CUX1: variants seen among roughly 807,000 people sequenced by gnomAD.
CUX1 encodes the protein protein CASP.
In CUX1, 31 loss-of-function variants were observed where a neutral mutation model predicts 158.8. That is an observed-to-expected ratio of 0.20 (90% confidence interval 0.15 to 0.26). The LOEUF (loss-of-function observed/expected upper bound fraction) is 0.26, where lower values mean the gene tolerates loss of function less well. Ranked by LOEUF, CUX1 falls within the 10% of genes least tolerant of loss-of-function variation. CUX1 has a pLI of 1.00. For missense variants in CUX1, 1,589 were observed against 2,014.6 expected (o/e 0.79, Z 4.04); for synonymous variants, 879 against 862.1 (o/e 1.02, Z -0.34).
At chr7:102,132,302 TGTGTGTGC>T (rs1482107529) in intron 8 of CUX1, among the ~76,000 whole-genome samples, 1 of 11,268 alleles carries the variant, frequency 8.9e-5, no homozygotes, top group African/African-American at 4.0e-4. Context: ...AGTGTGTGTG[TGTGTGTGC>T]GCGCGCGCGC....
At chr7:102,277,504 G>C (rs973795398) in intron 17 of CUX1, among the ~76,000 whole-genome samples, 1 of 152,080 alleles carries the variant, frequency 6.6e-6, no homozygotes. Flanking sequence ...GCTGAGGCAG[G>C]AGAATCGCTT....
exon 21 of CUX1, chr7:102,281,870 C>G: frequency 6.2e-7 from 1 of 1,613,522 alleles, no homozygotes; most frequent in Non-Finnish European, 8.5e-7. Flanking sequence ...CAAGATGGCG[C>G]GCACCATCGG....
At chr7:101,910,943 A>G (rs1012313304) in intron 1 of CUX1, among the ~76,000 whole-genome samples, 4 of 152,246 alleles carry the variant, frequency 2.6e-5, no homozygotes, top group African/African-American at 9.6e-5. Context: ...TTAAAATGTT[A>G]GGAGCTTTGC....
At chr7:101,850,426 T>TTC (rs1796151065) in intron 1 of CUX1, among the ~76,000 whole-genome samples, 3 of 146,778 alleles carry the variant, frequency 2.0e-5, no homozygotes, top group African/African-American at 7.5e-5. Flanking sequence ...TCTTTCTTTT[T>TTC]TTTTTTTTTT....
chr7:101,853,584 G>GGTGTGTGTGTGTGTGTGT lies in CUX1; in HGVS notation c.30+35936_30+35953dup, dbSNP rs59324904. Among the ~76,000 whole-genome samples the GGTGTGTGTGTGTGTGTGT allele has an allele frequency of 5.9e-3, 836 of 140,834 alleles. 16 individuals are homozygous for GGTGTGTGTGTGTGTGTGT. Among genetic ancestry groups the GGTGTGTGTGTGTGTGTGT allele is most frequent in the African/African-American group, 0.021 (762 of 36,684 alleles). The allele number at this position is 140,834 out of a possible 152,430, so 92.4% of individuals were successfully genotyped here. ...TATATCAGAGCATGGCAATAGAAAG[G>GGTGTGTGTGTGTGTGTGT]GTGTGTGTGTGTGTGTGTGTGTGTG... On this transcript the variant is annotated intron_variant, in intron 1 of 23. Coordinates refer to ENST00000292535, the MANE Select transcript of CUX1 (RefSeq NM_181552.4).
At chr7:102,141,791 T>TTC (rs1834496305) in intron 8 of CUX1, among the ~76,000 whole-genome samples, 1 of 137,590 alleles carries the variant, frequency 7.3e-6, no homozygotes, top group Non-Finnish European at 1.5e-5. Flanking sequence ...CTCAGCTAAT[T>TTC]TTTTTTTTTT....
rs1801777566 is a variant in CUX1, at chr7:102,253,780, G to A, written c.*4738G>A. 1.0e-6 allele frequency: 1 copy of A among 985,560 alleles called. No individual in the cohort carries two copies. The highest frequency in any genetic ancestry group is 1.2e-6 in the Non-Finnish European group (1 of 830,002). The allele number at this position is 985,560 out of a possible 1,614,324, so 61.1% of individuals were successfully genotyped here. ...GGCCGACAAGCCAGCTGTACAGGGC[G>A]AGATGTAGCAACACGGGGCATGAGC... On this transcript the variant is annotated 3_prime_UTR_variant, in exon 24 of 24. Transcript: ENST00000292535.
At chr7:101,873,428 T>C (rs1166550150) in intron 1 of CUX1, among the ~76,000 whole-genome samples, 4 of 148,680 alleles carry the variant, frequency 2.7e-5, no homozygotes, top group Non-Finnish European at 5.9e-5. Flanking sequence ...CCTAAAGCGA[T>C]CCTCCCACCT....
intron 1 of CUX1, among the ~76,000 whole-genome samples, chr7:101,821,547 C>T (rs966586258): frequency 6.6e-6 from 1 of 151,126 alleles, no homozygotes; most frequent in Non-Finnish European, 1.5e-5. Context: ...ACCGTGTTAG[C>T]CCGGATGGTC....
chr7:101,975,202 G>A (rs888330186), intron 2 of CUX1, among the ~76,000 whole-genome samples: 1 of 151,906 alleles, frequency 6.6e-6, no homozygotes, highest in East Asian at 1.9e-4. Context: ...AGTGAGTCGC[G>A]ATTGTGCCAC....
chr7:101,837,763 C>T (rs911007135), intron 1 of CUX1, among the ~76,000 whole-genome samples: 3 of 126,612 alleles, frequency 2.4e-5, no homozygotes, highest in African/African-American at 6.1e-5. Flanking sequence ...GCCGGGAGGT[C>T]GAAGGTGCAG....
At chr7:102,169,222 C>T (rs1487802369) in intron 9 of CUX1, among the ~76,000 whole-genome samples, 7 of 152,082 alleles carry the variant, frequency 4.6e-5, no homozygotes, top group Admixed American at 1.3e-4. Context: ...CGTGAGCCAC[C>T]GTACCCAGCC....
chr7:102,190,255 C>A (rs1185158607), intron 12 of CUX1, among the ~76,000 whole-genome samples: 1 of 152,226 alleles, frequency 6.6e-6, no homozygotes, highest in Non-Finnish European at 1.5e-5. Context: ...TATGGCCTCA[C>A]GCTGCCCCGG....
rs552485141 is a variant in CUX1, at chr7:101,874,428, G to A, written c.31-41687G>A. ...GATTTGGAACTCCCTGGGAGCCCTC[G>A]AACTTTTCTCTAAACTCCACCGGTA... On this transcript the variant is annotated intron_variant, in intron 1 of 23. Coordinates refer to ENST00000292535, the MANE Select transcript of CUX1 (RefSeq NM_181552.4). 7.0e-4 allele frequency among the ~76,000 whole-genome samples: 106 copies of A among 152,324 alleles called. 1 individual carries two copies. The highest frequency in any genetic ancestry group is 3.4e-3 in the Middle Eastern group (1 of 294).
intron 1 of CUX1, among the ~76,000 whole-genome samples, chr7:101,870,932 G>A (rs928252914): frequency 6.6e-6 from 1 of 152,178 alleles, no homozygotes. Context: ...TGTCAGTTTC[G>A]TAACTATCTC....
chr7:101,920,940 T>TA (rs1804846503), intron 2 of CUX1, among the ~76,000 whole-genome samples: 1 of 152,080 alleles, frequency 6.6e-6, no homozygotes, highest in African/African-American at 2.4e-5. Flanking sequence ...ATCCTCTCCT[T>TA]ATAGCCTCCA....
intron 2 of CUX1, among the ~76,000 whole-genome samples, chr7:102,025,285 C>T (rs1383615490): frequency 6.6e-6 from 1 of 152,170 alleles, no homozygotes; most frequent in African/African-American, 2.4e-5. Flanking sequence ...GTGGTTATCT[C>T]TGGCGGACTA....
chr7:102,030,792 T>C (rs1307220675), intron 3 of CUX1, among the ~76,000 whole-genome samples: 1 of 144,974 alleles, frequency 6.9e-6, no homozygotes, highest in Non-Finnish European at 1.5e-5. Flanking sequence ...CTCAGCAATC[T>C]TCTTGCCTTA....
At chr7:102,069,804 GTTTACATGCAGCATCTTAC>G (rs1825935931) in intron 3 of CUX1, among the ~76,000 whole-genome samples, 2 of 152,186 alleles carry the variant, frequency 1.3e-5, no homozygotes, top group Non-Finnish European at 2.9e-5. Flanking sequence ...GTGTTCGTCC[GTTTACATGCAGCATCTTAC>G]CCGTCCACCT....
Sources: allele counts gnomAD v4.1 joint callset (sites outside exome capture counted in the v4.1 genomes callset), GRCh38; gene constraint gnomAD v4.1.1; transcripts MANE v1.5; gene names NCBI Gene and HGNC (gene_info 2026-07-23, HGNC 2026-07-21).